TBCA: variants seen among roughly 807,000 people sequenced by gnomAD.
TBCA encodes the protein tubulin-specific chaperone A.
In TBCA, 6 loss-of-function variants were observed where a neutral mutation model predicts 15.8. The observed-to-expected ratio is 0.38, with a 90% CI of 0.21 to 0.75. The LOEUF (loss-of-function observed/expected upper bound fraction) is 0.75, where lower values mean the gene tolerates loss of function less well. Among genes scored for constraint, TBCA ranks in the 30% least tolerant of loss-of-function variants. The probability of loss-of-function intolerance (pLI) is 0.46; values close to 1 mark genes in which losing one functional copy is unlikely to be tolerated. For missense variants in TBCA, 90 were observed against 131.2 expected (o/e 0.69, Z 1.53); for synonymous variants, 32 against 42.3 (o/e 0.76, Z 0.94).
At chr5:77,731,396 T>C (rs1317522010) in intron 1 of TBCA, among the ~76,000 whole-genome samples, 1 of 152,210 alleles carries the variant, frequency 6.6e-6, no homozygotes, top group African/African-American at 2.4e-5. Context: ...AAAGCAAGGA[T>C]AATAATAGTA....
intron 1 of TBCA, among the ~76,000 whole-genome samples, chr5:77,744,153 T>C (rs1208123218): frequency 6.6e-6 from 1 of 152,118 alleles, no homozygotes. Context: ...TATGGTTCTA[T>C]CTAAAACATG....
intron 2 of TBCA, 119 bp from the exon 3 acceptor site, chr5:77,693,471 A>G: frequency 1.7e-6 from 2 of 1,149,188 alleles, no homozygotes; most frequent in East Asian, 5.1e-5. Flanking sequence ...GTTATGTTAA[A>G]TGGTTCAATA....
At chr5:77,774,154 G>C (rs969534808) in intron 1 of TBCA, among the ~76,000 whole-genome samples, 1 of 152,130 alleles carries the variant, frequency 6.6e-6, no homozygotes, top group Admixed American at 6.5e-5. Context: ...AAGGCTTTTT[G>C]TAACAATAAG....
intron 1 of TBCA, among the ~76,000 whole-genome samples, chr5:77,730,118 G>A (rs370727594): frequency 3.3e-5 from 5 of 152,246 alleles, no homozygotes; most frequent in South Asian, 2.1e-4. Flanking sequence ...CAGCTGAGAC[G>A]TTGTATTGGA....
At chr5:77,743,545 A>G (rs779003479) in intron 1 of TBCA, among the ~76,000 whole-genome samples, 3 of 152,210 alleles carry the variant, frequency 2.0e-5, no homozygotes, top group Non-Finnish European at 2.9e-5. Context: ...GCTCAGCAAG[A>G]GCACTGGGAA....
At chr5:77,742,738 T>C (rs1168339203) in intron 1 of TBCA, among the ~76,000 whole-genome samples, 3 of 152,234 alleles carry the variant, frequency 2.0e-5, no homozygotes, top group African/African-American at 7.2e-5. Flanking sequence ...ATATGGTGAA[T>C]GAGTCTGATA....
At chr5:77,752,591 G>A (rs1220995365) in intron 1 of TBCA, among the ~76,000 whole-genome samples, 1 of 49,532 alleles carries the variant, frequency 2.0e-5, no homozygotes, top group Admixed American at 2.5e-4. Flanking sequence ...TCGCTCTGTC[G>A]CCCAGGCCGG....
At chr5:77,729,892 G>A (rs1746725277) in intron 1 of TBCA, among the ~76,000 whole-genome samples, 1 of 152,144 alleles carries the variant, frequency 6.6e-6, no homozygotes, top group Non-Finnish European at 1.5e-5. Flanking sequence ...CTCTCTTTAA[G>A]ATATTTTGTG....
At chr5:77,726,286 C>T (rs1337311443) in intron 1 of TBCA, among the ~76,000 whole-genome samples, 1 of 152,184 alleles carries the variant, frequency 6.6e-6, no homozygotes, top group Non-Finnish European at 1.5e-5. Flanking sequence ...CAAGGTCACA[C>T]TTTAGTAAAT....
At chr5:77,732,387 T>C (rs1436081595) in intron 1 of TBCA, among the ~76,000 whole-genome samples, 2 of 151,746 alleles carry the variant, frequency 1.3e-5, no homozygotes, top group Non-Finnish European at 2.9e-5. Flanking sequence ...CCATCTCTAC[T>C]AAAAATACAA....
At chr5:77,754,736 G>T (rs1262229030) in intron 1 of TBCA, among the ~76,000 whole-genome samples, 1 of 152,130 alleles carries the variant, frequency 6.6e-6, no homozygotes, top group African/African-American at 2.4e-5. Context: ...GATCATTCTG[G>T]TTTTGGCTGG....
At chr5:77,695,441 GA>G (rs1464272343) in intron 2 of TBCA, among the ~76,000 whole-genome samples, 1 of 152,128 alleles carries the variant, frequency 6.6e-6, no homozygotes, top group African/African-American at 2.4e-5. Context: ...AACATGAAAA[GA>G]AACATTTGAG....
At chr5:77,742,483 C>T (rs1011576528) in intron 1 of TBCA, among the ~76,000 whole-genome samples, 1 of 152,094 alleles carries the variant, frequency 6.6e-6, no homozygotes, top group African/African-American at 2.4e-5. Context: ...TCTAACATCT[C>T]TAATTAAAAA....
At chr5:77,715,456 G>A (rs1169289147) in intron 1 of TBCA, 2 of 523,096 alleles carry the variant, frequency 3.8e-6, no homozygotes, top group African/African-American at 3.8e-5. Context: ...CAGAGACAAT[G>A]AGTAATAAGG....
chr5:77,715,180 T>C (rs916775252), intron 1 of TBCA: 2 of 691,750 alleles, frequency 2.9e-6, no homozygotes, highest in Admixed American at 2.1e-5. Context: ...AAGGGATCTA[T>C]TTTTAGTTAC....
At chr5:77,764,042 C>CA (rs1193104599) in intron 1 of TBCA, among the ~76,000 whole-genome samples, 2 of 151,960 alleles carry the variant, frequency 1.3e-5, no homozygotes, top group Non-Finnish European at 2.9e-5. Flanking sequence ...ACACAACCAT[C>CA]AAAAAAATGT....
chr5:77,773,187 AT>A lies in TBCA; in HGVS notation c.53+3017del, dbSNP rs1209420004. On this transcript the variant is annotated intron_variant, in intron 1 of 3. Coordinates refer to ENST00000380377, the MANE Select transcript of TBCA (RefSeq NM_004607.3). ...CTGAGGGACAGGATGGATTATTTAT[AT>A]TTTCAAATATACATCTCAATTCCCT... Among the ~76,000 whole-genome samples the A allele has an allele frequency of 4.6e-5, 7 of 152,304 alleles. No homozygotes were observed. The East Asian group carries it at 9.6e-4, about 21-fold the overall frequency.
chr5:77,727,881 A>G (rs1746668319), intron 1 of TBCA, among the ~76,000 whole-genome samples: 1 of 152,156 alleles, frequency 6.6e-6, no homozygotes, highest in Non-Finnish European at 1.5e-5. Flanking sequence ...AGTAGAAAAG[A>G]CAGTACTATA....
chr5:77,752,703 C>T (rs1317843658), intron 1 of TBCA, among the ~76,000 whole-genome samples: 2 of 114,144 alleles, frequency 1.8e-5, no homozygotes, highest in Non-Finnish European at 3.9e-5. Context: ...GGACTACAGG[C>T]GCCCGCCACC....
Sources: allele counts gnomAD v4.1 joint callset (sites outside exome capture counted in the v4.1 genomes callset), GRCh38; gene constraint gnomAD v4.1.1; transcripts MANE v1.5; gene names NCBI Gene and HGNC (gene_info 2026-07-23, HGNC 2026-07-21).